Variants in IL20RA observed in about 807,000 individuals in gnomAD.
The protein encoded by IL20RA is interleukin-20 receptor subunit alpha.
IL20RA carries 29 observed loss-of-function variants against 36.5 expected under a neutral mutation model. That is an observed-to-expected ratio of 0.79 (90% confidence interval 0.59 to 1.08). The LOEUF is 1.08. IL20RA is among the 50% of genes least tolerant of loss of function. The pLI, the probability that IL20RA is intolerant of heterozygous loss-of-function variation, is 0.00. For synonymous variants in IL20RA, 279 were observed against 267.1 expected, an observed-to-expected ratio of 1.04 and a Z score of -0.43; for missense variants, 652 against 668.4, an observed-to-expected ratio of 0.98 and a Z score of 0.27.
intron 1 of IL20RA, among the ~76,000 whole-genome samples, chr6:137,040,882 G>C (rs1776669038): frequency 6.6e-6 from 1 of 152,136 alleles, no homozygotes; most frequent in Non-Finnish European, 1.5e-5. Context: ...GGGATAAGCA[G>C]GATTTTTGCA....
At chr6:137,042,542 A>G (rs1203664508) in intron 1 of IL20RA, among the ~76,000 whole-genome samples, 1 of 152,170 alleles carries the variant, frequency 6.6e-6, no homozygotes, top group Non-Finnish European at 1.5e-5. Context: ...CTGTCCCTGG[A>G]GGGGTCCAAG....
At chr6:137,007,508 C>A (rs376389100) in intron 5 of IL20RA, among the ~76,000 whole-genome samples, 2 of 152,064 alleles carry the variant, frequency 1.3e-5, no homozygotes, top group Admixed American at 6.6e-5. Flanking sequence ...GGAAAAGAAG[C>A]GGAGGAATAA....
chr6:137,043,391 G>C (rs757065691), intron 1 of IL20RA, among the ~76,000 whole-genome samples: 2 of 152,170 alleles, frequency 1.3e-5, no homozygotes, highest in African/African-American at 4.8e-5. Context: ...ACAGGTGTGA[G>C]CCACAGCGCC....
At chr6:137,029,481 T>G (rs1776199559) in intron 1 of IL20RA, among the ~76,000 whole-genome samples, 1 of 152,194 alleles carries the variant, frequency 6.6e-6, no homozygotes, top group Non-Finnish European at 1.5e-5. Flanking sequence ...CACTTCTGCC[T>G]GGGCAACAGA....
chr6:137,016,903 ACACAATT>A, intron 2 of IL20RA, 58 bp downstream of exon 2: 2 of 1,425,410 alleles, frequency 1.4e-6, no homozygotes. Flanking sequence ...GTTTATCTTT[ACACAATT>A]CACAAGAGTC....
At chr6:137,009,675 G>C (rs1024365484) in intron 3 of IL20RA, among the ~76,000 whole-genome samples, 183 bp from the exon 4 acceptor site, 3 of 131,300 alleles carry the variant, frequency 2.3e-5, no homozygotes, top group African/African-American at 8.7e-5. Flanking sequence ...GCATGATCTC[G>C]GCTCACTGCA....
At chr6:137,012,313 T>C (rs923592855) in intron 2 of IL20RA, among the ~76,000 whole-genome samples, 1 of 152,146 alleles carries the variant, frequency 6.6e-6, no homozygotes, top group Admixed American at 6.5e-5. Context: ...GACTTGGTGA[T>C]AGAAAACATG....
chr6:137,001,985 G>A lies in IL20RA; in HGVS notation c.1235C>T (p.Ala412Val), dbSNP rs1248025230. Residue 412 changes from alanine to valine, a missense_variant, in exon 7 of 7, where the codon GCG becomes GTG. Physicochemically the swap from Ala to Val is moderately conservative, Grantham distance 64. Transcript: ENST00000316649. ...ACTGAGCTCCTGCTCTTCAGGCCCC[G>A]CACAAATGTCAGTGGTTCTGACATC... The part of the protein sequence containing the change: ...EYDVRTTDIC[A>V]GPEEQELSLQ... The A allele has an allele frequency of 1.4e-5, 23 of 1,614,120 alleles. No homozygotes were observed. Among genetic ancestry groups the A allele is most frequent in the East Asian group, 2.2e-5 (1 of 44,892 alleles).
At chr6:137,015,884 T>G (rs1262801171) in intron 2 of IL20RA, among the ~76,000 whole-genome samples, 4 of 152,192 alleles carry the variant, frequency 2.6e-5, no homozygotes, top group African/African-American at 9.7e-5. Flanking sequence ...TTTGAACTTG[T>G]GAGCTCATGC....
At position 137,001,837 on chromosome 6, in the gene IL20RA, C is replaced by T. The variant is rs772185815; in HGVS notation, c.1383G>A (p.Ala461=). Residue 461 remains alanine, a synonymous_variant, in exon 7 of 7, where the codon GCG becomes GCA. Coordinates refer to ENST00000316649, the MANE Select transcript of IL20RA (RefSeq NM_014432.4). ...TPQLQDLDPL[A]QEHTDSEEGP... Reference sequence around the variant, plus strand: ...CCTCCTCCGAGTCTGTGTGCTCCTGCGCCAGGGGGTCTAAGTCTTGGAGCT... The same window carrying T: ...CCTCCTCCGAGTCTGTGTGCTCCTGTGCCAGGGGGTCTAAGTCTTGGAGCT... 11 of 1,613,348 alleles carry T rather than the reference C, an allele frequency of 6.8e-6. No homozygotes were observed. The highest frequency in any genetic ancestry group is 6.7e-5 in the Admixed American group (4 of 59,956).
In IL20RA at chr6:137,002,318, A is replaced by G. The variant is rs1775104087; in HGVS notation, c.902T>C (p.Phe301Ser). ...AATCACGATTTTTTCAGCAGGCACA[A>G]AGAATCTTTTGTCAAATTCATTTCC... ...IYGNEFDKRF[F>S]VPAEKIVINF... Residue 301 changes from phenylalanine to serine, a missense_variant, in exon 7 of 7, where the codon TTT (phenylalanine) becomes TCT (serine). By Grantham distance (155) the Phe-to-Ser change is radical. Transcript: ENST00000316649. 1.2e-6 allele frequency: 2 copies of G among 1,604,416 alleles called. No individual in the cohort carries two copies. Among genetic ancestry groups the G allele is most frequent in the Non-Finnish European group, 1.7e-6 (2 of 1,176,692 alleles).
In IL20RA at chr6:137,044,676, AGCAGCGGCG is replaced by A. The variant is rs562654962; in HGVS notation, c.44_52del (p.Pro15_Leu17del). On this transcript the variant is annotated inframe_deletion, in exon 1 of 7. Coordinates refer to ENST00000316649, the MANE Select transcript of IL20RA (RefSeq NM_014432.4). ...CCAAGGCGCCGCCAGGAGCAACAGC[AGCAGCGGCG>A]GCAGCGGCAGCGGCCGCAGGGCCGG... 5.8e-4 allele frequency: 712 copies of A among 1,224,636 alleles called. 6 individuals carry two copies. The African/African-American group carries it at 9.3e-3, about 16-fold the overall frequency. 75.9% of individuals were successfully genotyped at this position (1,224,636 alleles called of 1,614,324 possible).
At chr6:137,020,024 C>T (rs756855515) in intron 1 of IL20RA, among the ~76,000 whole-genome samples, 2 of 152,174 alleles carry the variant, frequency 1.3e-5, no homozygotes, top group Non-Finnish European at 1.5e-5. Flanking sequence ...TGACAAAAGC[C>T]ATGACAAAAG....
intron 1 of IL20RA, among the ~76,000 whole-genome samples, chr6:137,036,211 A>G (rs1353374253): frequency 5.9e-5 from 9 of 152,202 alleles, no homozygotes; most frequent in Non-Finnish European, 1.3e-4. Context: ...AACATGTTGG[A>G]GAGGAGGAAC....
intron 1 of IL20RA, among the ~76,000 whole-genome samples, chr6:137,019,355 C>G (rs1255135402): frequency 6.6e-6 from 1 of 152,046 alleles, no homozygotes; most frequent in Non-Finnish European, 1.5e-5. Context: ...TCTCCAACTC[C>G]TGACCTCAGG....
chr6:137,034,103 A>G lies in IL20RA; in HGVS notation c.88+10538T>C, dbSNP rs542779439. Among the ~76,000 whole-genome samples, 10 of 152,302 alleles carry G rather than the reference A, an allele frequency of 6.6e-5. No individual in the cohort carries two copies. The South Asian group carries it at 1.7e-3, about 25-fold the overall frequency. On this transcript the variant is annotated intron_variant, in intron 1 of 6. Transcript: ENST00000316649. ...GAGTGAGTGTTGCAAAGAGCCGCAGACCACAGTGGCTTGTTGAGGCTGCCG... is the reference window on the plus strand; with the variant it reads ...GAGTGAGTGTTGCAAAGAGCCGCAGGCCACAGTGGCTTGTTGAGGCTGCCG...
chr6:137,038,639 T>C (rs1171074302), intron 1 of IL20RA, among the ~76,000 whole-genome samples: 1 of 152,186 alleles, frequency 6.6e-6, no homozygotes, highest in Non-Finnish European at 1.5e-5. Context: ...ATCACGATGA[T>C]AGCAAAAGTA....
At chr6:137,008,866 T>A (rs1330769444) in intron 4 of IL20RA, 123 bp from the exon 5 acceptor site, 5 of 160,550 alleles carry the variant, frequency 3.1e-5, no homozygotes, top group Non-Finnish European at 4.6e-5. Context: ...CAGTATAAGC[T>A]TTTTTTTTTT....
At chr6:137,025,369 C>T (rs1405172636) in intron 1 of IL20RA, among the ~76,000 whole-genome samples, 1 of 152,172 alleles carries the variant, frequency 6.6e-6, no homozygotes, top group African/African-American at 2.4e-5. Context: ...ATCTATGAAC[C>T]AGGAAGTGGG....
Sources: gnomAD v4.1 joint callset for allele counts (sites outside exome capture counted in the v4.1 genomes callset) on GRCh38, gnomAD v4.1.1 for gene constraint, MANE v1.5 for transcripts, NCBI Gene and HGNC (gene_info 2026-07-23, HGNC 2026-07-21) for gene names.